ERC2: variants seen among roughly 807,000 people sequenced by gnomAD.
The protein encoded by ERC2 is ERC protein 2.
A neutral mutation model predicts 114.8 loss-of-function variants in ERC2; 42 were observed. The observed-to-expected ratio is 0.37, with a 90% CI of 0.29 to 0.47. The LOEUF (loss-of-function observed/expected upper bound fraction) is 0.47. Ranked by LOEUF, ERC2 falls within the 20% of genes least tolerant of loss-of-function variation. The pLI, the probability that ERC2 is intolerant of heterozygous loss-of-function variation, is 0.99. For synonymous variants in ERC2, 454 were observed against 425.5 expected, an observed-to-expected ratio of 1.07 and a Z score of -0.82; for missense variants, 939 against 1,150.7, an observed-to-expected ratio of 0.82 and a Z score of 2.66.
chr3:56,364,723 AT>A (rs2059086496), intron 2 of ERC2, among the ~76,000 whole-genome samples: 1 of 152,202 alleles, frequency 6.6e-6, no homozygotes, highest in African/African-American at 2.4e-5. Flanking sequence ...CATTTTTAAA[AT>A]GTTAAAACTT....
At chr3:56,410,447 A>G (rs1287331100) in intron 2 of ERC2, among the ~76,000 whole-genome samples, 2 of 152,252 alleles carry the variant, frequency 1.3e-5, no homozygotes, top group African/African-American at 2.4e-5. Flanking sequence ...AGCACTTACT[A>G]TGTGCCAAAT....
chr3:56,105,116 C>A (rs1352961187), intron 6 of ERC2, among the ~76,000 whole-genome samples: 1 of 151,568 alleles, frequency 6.6e-6, no homozygotes, highest in Non-Finnish European at 1.5e-5. Context: ...CAAAGATGGG[C>A]AGATGCCAGG....
At chr3:55,652,505 T>A (rs1437915562) in intron 17 of ERC2, among the ~76,000 whole-genome samples, 5 of 152,102 alleles carry the variant, frequency 3.3e-5, no homozygotes, top group African/African-American at 1.2e-4. Context: ...CTAACCACTA[T>A]TTGCTGGGCA....
At chr3:55,668,117 T>C (rs1354444912) in intron 17 of ERC2, among the ~76,000 whole-genome samples, 2 of 152,018 alleles carry the variant, frequency 1.3e-5, no homozygotes, top group African/African-American at 2.4e-5. Flanking sequence ...TAATGCATAA[T>C]AAATTTTATA....
chr3:55,771,943 T>C (rs2068235610), intron 14 of ERC2, among the ~76,000 whole-genome samples: 1 of 152,086 alleles, frequency 6.6e-6, no homozygotes, highest in African/African-American at 2.4e-5. Flanking sequence ...AACCACTCAC[T>C]TGGAGGGGTG....
intron 17 of ERC2, among the ~76,000 whole-genome samples, chr3:55,549,914 C>A (rs894359233): frequency 2.1e-5 from 3 of 141,904 alleles, no homozygotes; most frequent in Admixed American, 7.1e-5. Context: ...CCCCAACCCC[C>A]CTCCCCGACA....
intron 15 of ERC2, among the ~76,000 whole-genome samples, chr3:55,713,096 TTCTCTCTCTCTC>T (rs143906006): frequency 7.4e-6 from 1 of 135,032 alleles, no homozygotes. Context: ...TCCTCTGCCA[TTCTCTCTCTCTC>T]TCTCTCTCTC....
At chr3:56,233,942 AT>A (rs1269521821) in intron 3 of ERC2, among the ~76,000 whole-genome samples, 10 of 152,292 alleles carry the variant, frequency 6.6e-5, no homozygotes, top group Non-Finnish European at 1.5e-4. Flanking sequence ...CACTTGTATA[AT>A]CTAGGATAGT....
intron 2 of ERC2, among the ~76,000 whole-genome samples, chr3:56,433,168 C>T (rs572706017): frequency 7.9e-6 from 1 of 126,376 alleles, no homozygotes; most frequent in Admixed American, 8.8e-5. Context: ...AACAGCAAGA[C>T]CCTGTCTCTT....
At chr3:56,330,412 G>A (rs574961128) in intron 2 of ERC2, among the ~76,000 whole-genome samples, 18 of 152,132 alleles carry the variant, frequency 1.2e-4, no homozygotes, top group Non-Finnish European at 2.5e-4. Context: ...CTATTTTGCA[G>A]ATAAGTAACT....
At chr3:55,708,004 C>T (rs997970049) in intron 15 of ERC2, among the ~76,000 whole-genome samples, 1 of 152,200 alleles carries the variant, frequency 6.6e-6, no homozygotes, top group African/African-American at 2.4e-5. Flanking sequence ...TCCCACTGCT[C>T]AGATCCTTAA....
At chr3:56,416,995 T>C (rs1220214657) in intron 2 of ERC2, among the ~76,000 whole-genome samples, 1 of 152,224 alleles carries the variant, frequency 6.6e-6, no homozygotes, top group East Asian at 1.9e-4. Flanking sequence ...GGATCATTTC[T>C]TTGGTACAAA....
rs1441101772 is a variant in ERC2, at chr3:56,120,544, C to T, written c.1473+18965G>A. ...CTATTGAGGAGGTGGGAGGTTTTCA[C>T]CTCAGCTGTAATTTTTTTAAGTGTC... On this transcript the variant is annotated intron_variant, in intron 6 of 17. Transcript: ENST00000288221. Among the ~76,000 whole-genome samples, 3 of 152,084 alleles carry T rather than the reference C, an allele frequency of 2.0e-5. No individual in the cohort carries two copies. The South Asian group carries it at 6.2e-4, about 32-fold the overall frequency.
At chr3:55,831,422 GGGAA>G (rs2060577757) in intron 14 of ERC2, among the ~76,000 whole-genome samples, 3 of 63,402 alleles carry the variant, frequency 4.7e-5, no homozygotes, top group African/African-American at 1.0e-4. Context: ...GGGAGGGGAA[GGGAA>G]GGGAAGGGAG....
chr3:55,697,715 C>G (rs1324995190), intron 16 of ERC2, among the ~76,000 whole-genome samples: 1 of 152,064 alleles, frequency 6.6e-6, no homozygotes, highest in Non-Finnish European at 1.5e-5. Flanking sequence ...TGACTTGGCT[C>G]CAAATCCTTC....
intron 17 of ERC2, among the ~76,000 whole-genome samples, chr3:55,541,229 T>C (rs2054373221): frequency 1.3e-5 from 2 of 152,196 alleles, no homozygotes; most frequent in African/African-American, 2.4e-5. Context: ...CTACATGCAA[T>C]GTACAAGGTT....
rs139404654 is a variant in ERC2 at position 55,756,751 on chromosome 3, A to G, written c.2565-21833T>C. Reference sequence around the variant, plus strand: ...TGCCTGGAAGATCACTCTTTTTAGAAAGAATAGTCAGTCCTTTTTACCTCC... The same window carrying G: ...TGCCTGGAAGATCACTCTTTTTAGAGAGAATAGTCAGTCCTTTTTACCTCC... On this transcript the variant is annotated intron_variant, in intron 14 of 17. Coordinates refer to ENST00000288221, the MANE Select transcript of ERC2 (RefSeq NM_015576.3). 1.3e-3 allele frequency among the ~76,000 whole-genome samples: 198 copies of G among 152,266 alleles called. 2 individuals are homozygous for G. The highest frequency in any genetic ancestry group is 2.5e-3 in the Non-Finnish European group (173 of 68,014).
At chr3:56,041,535 T>C (rs919681490) in intron 7 of ERC2, among the ~76,000 whole-genome samples, 7 of 152,182 alleles carry the variant, frequency 4.6e-5, no homozygotes, top group African/African-American at 1.7e-4. Flanking sequence ...GGGCTTCTCC[T>C]GTTCCACTCC....
intron 17 of ERC2, among the ~76,000 whole-genome samples, chr3:55,621,404 C>T (rs966842348): frequency 5.3e-5 from 8 of 152,236 alleles, no homozygotes; most frequent in Admixed American, 2.0e-4. Context: ...AAAGAAAGAA[C>T]GGGACATATT....
Sources: gnomAD v4.1 joint callset for allele counts (sites outside exome capture counted in the v4.1 genomes callset) on GRCh38, gnomAD v4.1.1 for gene constraint, MANE v1.5 for transcripts, NCBI Gene and HGNC (gene_info 2026-07-23, HGNC 2026-07-21) for gene names.